RNF212B: variants seen among roughly 807,000 people sequenced by gnomAD.
The protein encoded by RNF212B is E3 ubiquitin-protein ligase RNF212B.
Under a neutral mutation model 55.5 loss-of-function variants are expected in RNF212B, and 52 were observed. That is an observed-to-expected ratio of 0.94 (90% CI 0.75 to 1.18). The LOEUF (loss-of-function observed/expected upper bound fraction) is 1.18. RNF212B is among the 50% of genes most tolerant of loss of function. RNF212B has a pLI of 0.00. For missense variants in RNF212B, 289 were observed against 350.4 expected, an observed-to-expected ratio of 0.82 and a Z score of 1.40; for synonymous variants, 99 against 121.4, an observed-to-expected ratio of 0.82 and a Z score of 1.21.
At chr14:23,242,610 A>G in intron 2 of RNF212B, among the ~76,000 whole-genome samples, 1 of 152,202 alleles carries the variant, frequency 6.6e-6, no homozygotes, top group South Asian at 2.1e-4. Context: ...AATGTACTCC[A>G]GTACTTCTGC....
chr14:23,257,084 C>T (rs1286254916), intron 4 of RNF212B, among the ~76,000 whole-genome samples: 5 of 151,920 alleles, frequency 3.3e-5, no homozygotes, highest in Admixed American at 6.6e-5. Flanking sequence ...ACGTGGGTGG[C>T]GGAGGTTGCA....
chr14:23,242,215 A>AT (rs200415578), intron 2 of RNF212B, among the ~76,000 whole-genome samples: 25,982 of 50,238 alleles, frequency 0.52, 2,625 homozygotes, highest in Middle Eastern at 0.59. Flanking sequence ...GACCTTTTAA[A>AT]GTTCGCTAAT....
Position 23,273,155 on chromosome 14 carries a change from G to T in RNF212B, c.*264G>T. On this transcript the variant is annotated 3_prime_UTR_variant, in exon 15 of 15. Coordinates refer to ENST00000430154, the MANE Select transcript of RNF212B (RefSeq NM_001282322.3). ...TAGCTCCCCTCATTTCCTACAATTT[G>T]GAACAAAGGTCAAAAAAATAATTCT... 3.4e-6 allele frequency: 1 copy of T among 290,634 alleles called. No homozygotes were observed. Among genetic ancestry groups the T allele is most frequent in the Non-Finnish European group, 6.4e-6 (1 of 155,850 alleles). 18.0% of individuals were successfully genotyped at this position (290,634 alleles called of 1,614,324 possible).
intron 2 of RNF212B, among the ~76,000 whole-genome samples, chr14:23,224,569 A>AC (rs71425070): frequency 0.16 from 23,881 of 152,060 alleles, 1,959 homozygotes; most frequent in Non-Finnish European, 0.18. Flanking sequence ...ATGAAACGAA[A>AC]CCCCTAGCTC....
intron 1 of RNF212B, among the ~76,000 whole-genome samples, chr14:23,239,000 T>C (rs1883358110): frequency 6.6e-6 from 1 of 152,156 alleles, no homozygotes; most frequent in African/African-American, 2.4e-5. Flanking sequence ...GGTACCTCTT[T>C]TGAAAAATGT....
chr14:23,202,609 C>T (rs988272339), intron 2 of RNF212B, among the ~76,000 whole-genome samples: 1 of 152,030 alleles, frequency 6.6e-6, no homozygotes, highest in East Asian at 1.9e-4. Flanking sequence ...CCCAGCACTT[C>T]GGGAGGCCGA....
chr14:23,238,777 A>ATCATCATC (rs1555316069), intron 1 of RNF212B, among the ~76,000 whole-genome samples: 8,068 of 134,742 alleles, frequency 0.06, 293 homozygotes, highest in Middle Eastern at 0.085. Context: ...TAATAATAAT[A>ATCATCATC]ATAATCCCAC....
chr14:23,268,798 GC>G, intron 11 of RNF212B, 125 bp from the exon 12 acceptor site: 1 of 708,024 alleles, frequency 1.4e-6, no homozygotes, highest in Non-Finnish European at 2.4e-6. Context: ...CTTGGCATTA[GC>G]CCCCAACCCT....
intron 2 of RNF212B, among the ~76,000 whole-genome samples, chr14:23,216,903 A>AAAAAC (rs1190455867): frequency 6.6e-6 from 1 of 151,292 alleles, no homozygotes; most frequent in Non-Finnish European, 1.5e-5. Flanking sequence ...AAAAAAAAAA[A>AAAAAC]AGACCAATCT....
intron 2 of RNF212B, among the ~76,000 whole-genome samples, chr14:23,208,708 A>G (rs1013107257): frequency 1.3e-5 from 2 of 151,540 alleles, no homozygotes; most frequent in Non-Finnish European, 2.9e-5. Context: ...AAAGGAATAA[A>G]AGAATGGCTA....
chr14:23,213,292 G>A (rs1001065333), intron 2 of RNF212B, among the ~76,000 whole-genome samples: 2 of 150,182 alleles, frequency 1.3e-5, no homozygotes, highest in East Asian at 1.9e-4. Flanking sequence ...CAGCCTGGGC[G>A]ACAGAGTAAG....
chr14:23,226,558 G>A (rs928956349), intron 2 of RNF212B, among the ~76,000 whole-genome samples: 16 of 151,994 alleles, frequency 1.1e-4, no homozygotes, highest in African/African-American at 3.9e-4. Context: ...GTGAACCCGG[G>A]AGGCGGAGCT....
At chr14:23,210,260 C>T (rs1880351268) in intron 2 of RNF212B, among the ~76,000 whole-genome samples, 1 of 152,166 alleles carries the variant, frequency 6.6e-6, no homozygotes, top group Admixed American at 6.5e-5. Flanking sequence ...GACCCATTTT[C>T]CTTAAAACCG....
chr14:23,245,953 A>C (rs1318153176), intron 4 of RNF212B, among the ~76,000 whole-genome samples: 1 of 152,098 alleles, frequency 6.6e-6, no homozygotes, highest in Non-Finnish European at 1.5e-5. Flanking sequence ...TGTTGTTGTA[A>C]ATATCTATTT....
At chr14:23,227,607 T>TTTTG (rs35558599) in intron 2 of RNF212B, among the ~76,000 whole-genome samples, 26,012 of 151,944 alleles carry the variant, frequency 0.17, 2,232 homozygotes, top group Non-Finnish European at 0.18. Flanking sequence ...AAAAGTGTTT[T>TTTTG]TTTGTTTGTT....
chr14:23,239,568 C>T (rs997312415), intron 1 of RNF212B, among the ~76,000 whole-genome samples: 6 of 152,006 alleles, frequency 3.9e-5, no homozygotes, highest in Admixed American at 1.3e-4. Context: ...AAGAAATGGA[C>T]GATTCATTTT....
chr14:23,256,887 G>A (rs1884874108), intron 4 of RNF212B, among the ~76,000 whole-genome samples: 1 of 152,058 alleles, frequency 6.6e-6, no homozygotes. Flanking sequence ...GGGCATGGTG[G>A]CTCACACCTG....
intron 1 of RNF212B, among the ~76,000 whole-genome samples, chr14:23,191,785 TC>T (rs1289060283): frequency 6.6e-6 from 1 of 152,224 alleles, no homozygotes; most frequent in African/African-American, 2.4e-5. Context: ...TTTGCTTGTT[TC>T]TTCACCATTA....
At chr14:23,206,779 C>G (rs1879878374) in intron 2 of RNF212B, among the ~76,000 whole-genome samples, 1 of 152,042 alleles carries the variant, frequency 6.6e-6, no homozygotes, top group Non-Finnish European at 1.5e-5. Flanking sequence ...TAAAATTAAA[C>G]TATACTCTGT....
Sources: allele counts gnomAD v4.1 joint callset (sites outside exome capture counted in the v4.1 genomes callset), GRCh38; gene constraint gnomAD v4.1.1; transcripts MANE v1.5; gene names NCBI Gene and HGNC (gene_info 2026-07-23, HGNC 2026-07-21).